MROH7: variants seen among roughly 807,000 people sequenced by gnomAD.
The protein encoded by MROH7 is maestro heat-like repeat-containing protein family member 7.
A neutral mutation model predicts 129.2 loss-of-function variants in MROH7; 113 were observed. The observed-to-expected ratio is 0.87, with a 90% CI of 0.75 to 1.02. The LOEUF (loss-of-function observed/expected upper bound fraction) is 1.02. MROH7 is among the 50% of genes least tolerant of loss of function. MROH7 has a pLI of 0.00. For missense variants in MROH7, 1,601 were observed against 1,671.3 expected (o/e 0.96, Z 0.73); for synonymous variants, 655 against 667.9 (o/e 0.98, Z 0.30).
intron 3 of MROH7, among the ~76,000 whole-genome samples, chr1:54,654,452 G>A (rs755548388): frequency 1.8e-4 from 27 of 152,104 alleles, no homozygotes; most frequent in African/African-American, 1.4e-4. Context: ...CAGGTGGATC[G>A]TCTGAGGTTG....
chr1:54,664,338 C>T (rs1644779253), intron 3 of MROH7, among the ~76,000 whole-genome samples: 2 of 152,224 alleles, frequency 1.3e-5, no homozygotes, highest in Non-Finnish European at 1.5e-5. Flanking sequence ...AGAAGAGATT[C>T]GGACAATGCA....
Position 54,702,083 on chromosome 1 carries a change from TC to T in MROH7, c.3286-3del. 1.9e-6 allele frequency: 3 copies of T among 1,584,048 alleles called. No homozygotes were observed. Among genetic ancestry groups the T allele is most frequent in the African/African-American group, 1.4e-5 (1 of 73,594 alleles). On this transcript the variant is annotated splice_polypyrimidine_tract_variant and splice_region_variant and intron_variant, in intron 19 of 23. Coordinates refer to ENST00000421030, the MANE Select transcript of MROH7 (RefSeq NM_001039464.4). The stretch of plus-strand genomic sequence containing the variant: ...GGGACCCCCTCTGAGCCTTTGGTCT[TC>T]CCCAGGCACGAGAGGTCGTGCGCTC...
At chr1:54,691,802 A>AGTGTGTGTGTG (rs1379637571) in intron 15 of MROH7, among the ~76,000 whole-genome samples, 1 of 90,780 alleles carries the variant, frequency 1.1e-5, no homozygotes, top group South Asian at 3.6e-4. Context: ...AAAAAAAAAA[A>AGTGTGTGTGTG]AGTGTGTGTG....
At chr1:54,668,369 A>G (rs539508915) in intron 4 of MROH7, among the ~76,000 whole-genome samples, 19 of 152,274 alleles carry the variant, frequency 1.2e-4, no homozygotes, top group African/African-American at 3.1e-4. Flanking sequence ...TACTATATGA[A>G]ATTAGTTTTC....
chr1:54,698,118 C>A (rs938556025), intron 17 of MROH7: 1 of 166,854 alleles, frequency 6.0e-6, no homozygotes, highest in Non-Finnish European at 1.3e-5. Flanking sequence ...GGCTTCCTGT[C>A]GCCCTCTCTG....
At chr1:54,696,350 C>T (rs72907951) in intron 17 of MROH7, among the ~76,000 whole-genome samples, 2,316 of 152,186 alleles carry the variant, frequency 0.015, 50 homozygotes, top group African/African-American at 0.054. Context: ...GCCATTTTAA[C>T]CATTTTAGGT....
chr1:54,693,141 G>T (rs552479937), intron 16 of MROH7, among the ~76,000 whole-genome samples: 282 of 152,336 alleles, frequency 1.9e-3, no homozygotes, highest in African/African-American at 6.3e-3. Context: ...AGAACAGCTT[G>T]AACCTGCCTT....
At chr1:54,645,261 G>A (rs2101050194) in intron 1 of MROH7, among the ~76,000 whole-genome samples, 1 of 151,936 alleles carries the variant, frequency 6.6e-6, no homozygotes, top group South Asian at 2.1e-4. Flanking sequence ...GACATTTTAG[G>A]TATTACATTA....
rs199630211 is a variant in MROH7 at position 54,674,016 on chromosome 1, A to G, written c.1801A>G (p.Met601Val). 2.0e-5 allele frequency: 32 copies of G among 1,613,644 alleles called. No individual in the cohort carries two copies. Among genetic ancestry groups the G allele is most frequent in the Non-Finnish European group, 2.6e-5 (31 of 1,179,854 alleles). ...ATCCCTAAGATTGCAATACAAACAG[A>G]TGCCCTTGGGGTTCCCGGCGCTGGG... ...NHMLLTLPFFMPLGFPALGLL... is the reference protein window; with the variant it reads ...NHMLLTLPFFVPLGFPALGLL... The change falls in exon 10 of 24, where the codon ATG becomes GTG. Residue 601 changes from methionine (M) to valine (V), a missense_variant and splice_region_variant. Met to Val is a conservative substitution (Grantham distance 21, BLOSUM62 1). Coordinates refer to ENST00000421030, the MANE Select transcript of MROH7 (RefSeq NM_001039464.4).
rs536422307 is a variant in MROH7, at chr1:54,671,360, A to C, written c.1599+431A>C. 2.2e-4 allele frequency among the ~76,000 whole-genome samples: 34 copies of C among 152,380 alleles called. No homozygotes were observed. The East Asian group carries it at 5.4e-3, about 24-fold the overall frequency. ...GCTTGCAGTGAGCCGAGATTGCGCC[A>C]CTGCACTCCAGCCTGGGCGACAGAG... On this transcript the variant is annotated intron_variant, in intron 7 of 23. Transcript: ENST00000421030.
rs371225882 is a variant in MROH7 at position 54,653,997 on chromosome 1, G to C, written c.1071G>C (p.Gln357His). The change falls in exon 3 of 24, where the codon CAG (glutamine) becomes CAC (histidine). Residue 357 changes from glutamine (Q) to histidine (H), a missense_variant. By Grantham distance (24) the Gln-to-His change is conservative (BLOSUM62 0). Transcript: ENST00000421030. ...CCACCTTGACGCTGAGCAGTCAGCA[G>C]GATGATGCCAAGGACAACAGCATCC... Reference protein sequence around the residue: ...DTSTLTLSSQQDDAKDNSIHT... With the variant: ...DTSTLTLSSQHDDAKDNSIHT... The C allele has an allele frequency of 6.2e-7, 1 of 1,614,120 alleles. No individual in the cohort carries two copies. Among genetic ancestry groups the C allele is most frequent in the Non-Finnish European group, 8.5e-7 (1 of 1,180,050 alleles).
intron 17 of MROH7, chr1:54,699,739 T>C (rs1369493772): frequency 7.5e-6 from 2 of 266,608 alleles, no homozygotes; most frequent in Non-Finnish European, 1.4e-5. Flanking sequence ...CCCTGTTGGA[T>C]AGGGGAGGCA....
Position 54,670,586 on chromosome 1 carries a change from G to A in MROH7, c.1469+10G>A, listed in dbSNP as rs766590430. The A allele has an allele frequency of 1.9e-6, 3 of 1,608,806 alleles. No homozygotes were observed. Among genetic ancestry groups the A allele is most frequent in the South Asian group, 1.1e-5 (1 of 89,936 alleles). On this transcript the variant is annotated intron_variant, in intron 6 of 23. Transcript: ENST00000421030. ...TCCTGACCCAGCTGAGGTGTCCATG[G>A]CCCTCTCCCTGTTCCCACAGCCCCT...
In MROH7 at chr1:54,701,295, G is replaced by A; in HGVS notation, c.3258G>A (p.Leu1086=). ...ACAGTGCGGTCTATGTGGAGATGCT[G>A]CAGATCCTGCTGCCGCACTTCAGCG... ...LMDSAVYVEM[L]QILLPHFSDA... is the part of the protein sequence containing the mutation. The change falls in exon 19 of 24, where the codon CTG becomes CTA. Residue 1086 remains leucine (L), a synonymous_variant. Coordinates refer to ENST00000421030, the MANE Select transcript of MROH7 (RefSeq NM_001039464.4). The A allele has an allele frequency of 6.2e-7, 1 of 1,601,288 alleles. No homozygotes were observed. Among genetic ancestry groups the A allele is most frequent in the Non-Finnish European group, 8.5e-7 (1 of 1,171,142 alleles).
intron 3 of MROH7, among the ~76,000 whole-genome samples, chr1:54,661,934 A>G (rs1308405660): frequency 6.6e-5 from 10 of 151,998 alleles, no homozygotes; most frequent in South Asian, 2.1e-4. Context: ...AAACCAACCT[A>G]GGGCTGGGCA....
intron 6 of MROH7, 55 bp downstream of exon 6, chr1:54,670,631 C>T (rs1274435411): frequency 2.6e-6 from 4 of 1,543,416 alleles, no homozygotes; most frequent in Non-Finnish European, 3.5e-6. Context: ...TCCTCCACTT[C>T]TGCCTCCCTC....
intron 20 of MROH7, 99 bp downstream of exon 20, chr1:54,702,344 G>A (rs1273208187): frequency 4.5e-6 from 5 of 1,119,964 alleles, no homozygotes; most frequent in Non-Finnish European, 6.0e-6. Flanking sequence ...ACAATCCTGG[G>A]GGCAGTTATG....
At chr1:54,699,094 TTTTCTTTC>T (rs765826194) in intron 17 of MROH7, 3,838 of 98,078 alleles carry the variant, frequency 0.039, 198 homozygotes, top group African/African-American at 0.05. Context: ...TTGCCTGGCC[TTTTCTTTC>T]TTTCTTTCTT....
chr1:54,654,253 C>G, intron 3 of MROH7, 96 bp downstream of exon 3: 1 of 1,226,524 alleles, frequency 8.2e-7, no homozygotes, highest in Non-Finnish European at 1.1e-6. Flanking sequence ...AGGAAGGGGA[C>G]AGCAGGCAGT....
Sources: gnomAD v4.1 joint callset for allele counts (sites outside exome capture counted in the v4.1 genomes callset) on GRCh38, gnomAD v4.1.1 for gene constraint, MANE v1.5 for transcripts, NCBI Gene and HGNC (gene_info 2026-07-23, HGNC 2026-07-21) for gene names.